MCF2L2: variants seen among roughly 807,000 people sequenced by gnomAD.
MCF2L2 encodes the protein probable guanine nucleotide exchange factor MCF2L2.
A neutral mutation model predicts 150.2 loss-of-function variants in MCF2L2; 102 were observed. The observed-to-expected ratio is 0.68, with a 90% CI of 0.58 to 0.80. The LOEUF is 0.80. MCF2L2 is among the 30% of genes least tolerant of loss of function. The probability of loss-of-function intolerance (pLI) is 0.00; values close to 1 mark genes in which losing one functional copy is unlikely to be tolerated. For missense variants in MCF2L2, 1,256 were observed against 1,372.8 expected, an observed-to-expected ratio of 0.91 and a Z score of 1.34; for synonymous variants, 465 against 491.3, an observed-to-expected ratio of 0.95 and a Z score of 0.71.
intron 1 of MCF2L2, among the ~76,000 whole-genome samples, chr3:183,421,679 A>T (rs1715890451): frequency 6.6e-6 from 1 of 152,108 alleles, no homozygotes. Flanking sequence ...CTTTTTGTTT[A>T]TTTAAGGGTC....
intron 3 of MCF2L2, among the ~76,000 whole-genome samples, chr3:183,347,716 C>T (rs1730956146): frequency 6.6e-6 from 1 of 152,058 alleles, no homozygotes; most frequent in Non-Finnish European, 1.5e-5. Context: ...CAGAAAAAAA[C>T]AACCTCATCA....
intron 3 of MCF2L2, among the ~76,000 whole-genome samples, chr3:183,355,145 C>T (rs1203648678): frequency 4.0e-5 from 6 of 151,066 alleles, no homozygotes; most frequent in Admixed American, 4.0e-4. Context: ...CACACTCCAC[C>T]ACAACTTTCT....
At chr3:183,244,953 G>C (rs1724185090) in intron 15 of MCF2L2, among the ~76,000 whole-genome samples, 1 of 151,996 alleles carries the variant, frequency 6.6e-6, no homozygotes, top group Non-Finnish European at 1.5e-5. Context: ...TAAAAACACA[G>C]GGTTTCAAGA....
rs1054685741 is a variant in MCF2L2 at position 183,283,936 on chromosome 3, G to A, written c.1776+5184C>T. On this transcript the variant is annotated intron_variant, in intron 14 of 29. Transcript: ENST00000328913. The surrounding 1 kb of genome is among the most constrained non-coding windows in gnomAD (Gnocchi z 4.2). Reference sequence around the variant, plus strand: ...TATATATTCCTTTTACTGTAGAAACGTCATTCTGCTTTATATTATAAATTA... The same window carrying A: ...TATATATTCCTTTTACTGTAGAAACATCATTCTGCTTTATATTATAAATTA... 6.6e-5 allele frequency among the ~76,000 whole-genome samples: 10 copies of A among 152,076 alleles called. No individual in the cohort carries two copies. Among genetic ancestry groups the A allele is most frequent in the Admixed American group, 6.5e-5 (1 of 15,272 alleles).
At chr3:183,356,426 T>C (rs977571536) in intron 3 of MCF2L2, among the ~76,000 whole-genome samples, 6 of 152,100 alleles carry the variant, frequency 3.9e-5, no homozygotes, top group African/African-American at 1.4e-4. Flanking sequence ...AGCAGGAGAA[T>C]TGTTTGAACC....
Position 183,178,227 on chromosome 3 carries a change from G to A in MCF2L2, c.*1153C>T, listed in dbSNP as rs377442088. 2 of 152,382 alleles carry A rather than the reference G, an allele frequency of 1.3e-5. No homozygotes were observed. Among genetic ancestry groups the A allele is most frequent in the East Asian group, 3.9e-4 (2 of 5,190 alleles). The allele number at this position is 152,382 out of a possible 1,614,324, so 9.4% of individuals were successfully genotyped here. A position where few individuals can be genotyped will look rare whatever the true frequency, so the allele number is the denominator to read the frequency against. ...CACGCCTGTAATCCCAGCACTTTGG[G>A]AGGCCGAGGCAGGGGGATCACGAGG... is the stretch of plus-strand genomic sequence containing the variant. On this transcript the variant is annotated 3_prime_UTR_variant, in exon 30 of 30. Transcript: ENST00000328913.
At chr3:183,327,501 C>T (rs1318682946) in intron 5 of MCF2L2, among the ~76,000 whole-genome samples, 1 of 152,286 alleles carries the variant, frequency 6.6e-6, no homozygotes, top group Non-Finnish European at 1.5e-5. Flanking sequence ...GTCCAACTTC[C>T]GACTGGCATC....
intron 16 of MCF2L2, among the ~76,000 whole-genome samples, chr3:183,230,527 T>A (rs1180619191): frequency 6.6e-6 from 1 of 152,238 alleles, no homozygotes; most frequent in Non-Finnish European, 1.5e-5. Context: ...ATGGTAAAAA[T>A]GTGATTATAA....
At chr3:183,203,140 G>A (rs539134933) in intron 25 of MCF2L2, among the ~76,000 whole-genome samples, 5 of 152,250 alleles carry the variant, frequency 3.3e-5, no homozygotes, top group Non-Finnish European at 7.4e-5. Context: ...TTGAACCCAG[G>A]AGGCGGAGGT....
intron 3 of MCF2L2, among the ~76,000 whole-genome samples, chr3:183,367,675 C>T (rs908121762): frequency 6.6e-6 from 1 of 152,052 alleles, no homozygotes; most frequent in Non-Finnish European, 1.5e-5. Context: ...GATGGAAACA[C>T]GTGGTAGAAA....
intron 14 of MCF2L2, among the ~76,000 whole-genome samples, chr3:183,285,537 G>A (rs1261399413): frequency 1.3e-5 from 2 of 152,194 alleles, no homozygotes; most frequent in African/African-American, 2.4e-5. Context: ...AGGTTCTGAG[G>A]ACTAGGGATG....
intron 13 of MCF2L2, among the ~76,000 whole-genome samples, chr3:183,290,846 T>C (rs1377729108): frequency 6.6e-6 from 1 of 152,148 alleles, no homozygotes; most frequent in Non-Finnish European, 1.5e-5. Flanking sequence ...TTAGCATTTG[T>C]AGGTCCCAAG....
At chr3:183,356,290 T>A (rs1711777646) in intron 3 of MCF2L2, among the ~76,000 whole-genome samples, 2 of 151,656 alleles carry the variant, frequency 1.3e-5, no homozygotes, top group Non-Finnish European at 2.9e-5. Context: ...CAAGGCAGGC[T>A]GATCACGAGG....
chr3:183,193,191 A>ATC, intron 26 of MCF2L2, 95 bp from the exon 27 acceptor site: 1 of 1,011,854 alleles, frequency 9.9e-7, no homozygotes, highest in Non-Finnish European at 1.5e-6. Flanking sequence ...CACCTAGTGT[A>ATC]TCTCTGGTCT....
chr3:183,253,064 G>A (rs1008470710), intron 15 of MCF2L2, among the ~76,000 whole-genome samples: 1 of 152,220 alleles, frequency 6.6e-6, no homozygotes, highest in Admixed American at 6.5e-5. Context: ...CTGACGAGCG[G>A]CAGGGAAACA....
At chr3:183,313,232 A>AACACACACACACACACACACACAC (rs111694523) in intron 7 of MCF2L2, among the ~76,000 whole-genome samples, 54 of 149,402 alleles carry the variant, frequency 3.6e-4, no homozygotes, top group African/African-American at 1.3e-3. Context: ...AGCTTCCAGC[A>AACACACACACACACACACACACAC]ACACACACAC....
In MCF2L2 at chr3:183,341,529, T is replaced by C. The variant is rs1439531982; in HGVS notation, c.366+11A>G. On this transcript the variant is annotated intron_variant, in intron 4 of 29. Transcript: ENST00000328913. Reference sequence around the variant, plus strand: ...GACTTTTATAATAAAAGCACAAAAATAAATATTTACAGCTATTCGTGTCAA... The same window carrying C: ...GACTTTTATAATAAAAGCACAAAAACAAATATTTACAGCTATTCGTGTCAA... 1.3e-6 allele frequency: 2 copies of C among 1,591,528 alleles called. No individual in the cohort carries two copies. Among genetic ancestry groups the C allele is most frequent in the Admixed American group, 3.3e-5 (2 of 59,874 alleles).
intron 25 of MCF2L2, among the ~76,000 whole-genome samples, chr3:183,201,562 T>C (rs1331707038): frequency 1.3e-5 from 2 of 152,248 alleles, no homozygotes; most frequent in African/African-American, 4.8e-5. Flanking sequence ...TACAATCATG[T>C]CATCTGCAAT....
At position 183,229,732 on chromosome 3, in the gene MCF2L2, T is replaced by C; in HGVS notation, c.1979A>G (p.Asp660Gly). The change falls in exon 17 of 30, where the codon GAT (aspartate) becomes GGT (glycine). Residue 660 changes from aspartate (D) to glycine (G), a missense_variant. Physicochemically the swap from Asp to Gly is moderately conservative, Grantham distance 94 (BLOSUM62 -1). Transcript: ENST00000328913. ...AAAGTCCTTGTTATTCTGAAGAACA[T>C]CTGGAATTAGATGCTTTAGCCAAAT... ...DFIWLKHLIP[D>G]VLQNNKDFLF... 6.2e-7 allele frequency: 1 copy of C among 1,606,258 alleles called. No individual in the cohort carries two copies. Among genetic ancestry groups the C allele is most frequent in the Non-Finnish European group, 8.5e-7 (1 of 1,174,414 alleles).
Sources: gnomAD v4.1 joint callset for allele counts (sites outside exome capture counted in the v4.1 genomes callset) on GRCh38, gnomAD v4.1.1 for gene constraint, Gnocchi (gnomAD v3.1) non-coding constraint, MANE v1.5 for transcripts, NCBI Gene and HGNC (gene_info 2026-07-23, HGNC 2026-07-21) for gene names.